PIK3C2A: variants seen among roughly 807,000 people sequenced by gnomAD.
PIK3C2A encodes the protein phosphatidylinositol 4-phosphate 3-kinase C2 domain-containing subunit alpha.
A neutral mutation model predicts 204.5 loss-of-function variants in PIK3C2A; 97 were observed. The observed-to-expected ratio is 0.47, with a 90% CI of 0.40 to 0.56. PIK3C2A has a LOEUF of 0.56. Ranked by LOEUF, PIK3C2A falls within the 20% of genes least tolerant of loss-of-function variation. The probability of loss-of-function intolerance (pLI) is 0.00; values close to 1 mark genes in which losing one functional copy is unlikely to be tolerated. For missense variants in PIK3C2A, 1,735 were observed against 1,969.2 expected (o/e 0.88, Z 2.25); for synonymous variants, 653 against 664.4 (o/e 0.98, Z 0.26).
intron 1 of PIK3C2A, among the ~76,000 whole-genome samples, chr11:17,196,989 C>T (rs944481792): frequency 6.6e-6 from 1 of 152,030 alleles, no homozygotes; most frequent in Non-Finnish European, 1.5e-5. Context: ...TCCCAAGCTT[C>T]GTCACAAGTT....
chr11:17,109,967 T>C (rs921265975), intron 22 of PIK3C2A, among the ~76,000 whole-genome samples: 1 of 152,156 alleles, frequency 6.6e-6, no homozygotes, highest in Non-Finnish European at 1.5e-5. Flanking sequence ...TTTTAATTTA[T>C]TTTGAGATAG....
At position 17,089,663 on chromosome 11, in the gene PIK3C2A, GTGTC is replaced by G. The variant is rs1167428613; in HGVS notation, c.*71_*74del. ...ACAAAATTAACAAGTGTGTGTGTGT[GTGTC>G]TGTGTGTGTGTGCATGTATGCATGC... On this transcript the variant is annotated 3_prime_UTR_variant, in exon 33 of 33. Coordinates refer to ENST00000691414, the MANE Select transcript of PIK3C2A (RefSeq NM_002645.4). 5.1e-5 allele frequency: 42 copies of G among 815,708 alleles called. No individual in the cohort carries two copies. The highest frequency in any genetic ancestry group is 4.5e-4 in the South Asian group (26 of 57,954). The allele number at this position is 815,708 out of a possible 1,614,324, so 50.5% of individuals were successfully genotyped here.
In PIK3C2A at chr11:17,131,242, G is replaced by C. The variant is rs78458806; in HGVS notation, c.2231+674C>G. On this transcript the variant is annotated intron_variant, in intron 12 of 32. Transcript: ENST00000691414. ...TAAGTGTTGATTAATCTAAGAGCCAGAATTGTTATATAGTGTTACAGAATA... is the reference window on the plus strand; with the variant it reads ...TAAGTGTTGATTAATCTAAGAGCCACAATTGTTATATAGTGTTACAGAATA... Among the ~76,000 whole-genome samples, 4 of 152,072 alleles carry C rather than the reference G, an allele frequency of 2.6e-5. No homozygotes were observed. In the East Asian group the frequency reaches 7.7e-4, roughly 29 times the overall value.
chr11:17,179,315 C>A (rs1377540457), intron 1 of PIK3C2A, among the ~76,000 whole-genome samples: 1 of 152,014 alleles, frequency 6.6e-6, no homozygotes, highest in East Asian at 1.9e-4. Context: ...GCATGTACTA[C>A]TACATCCAAC....
Position 17,169,874 on chromosome 11 carries a change from AC to A in PIK3C2A, c.-65-69del, listed in dbSNP as rs556783942. 5.4e-4 allele frequency: 344 copies of A among 632,466 alleles called. 2 individuals carry two copies. The African/African-American group carries it at 6.0e-3, about 11-fold the overall frequency. The allele number at this position is 632,466 out of a possible 1,614,324, so 39.2% of individuals were successfully genotyped here. On this transcript the variant is annotated intron_variant, in intron 1 of 32. Transcript: ENST00000691414. The stretch of plus-strand genomic sequence containing the variant: ...CATAAATATATTTTGTTTGCAACCT[AC>A]CCCATATGACTTTGGACTTTAAGCC...
Position 17,148,771 on chromosome 11 carries a change from T to C in PIK3C2A, c.1344A>G (p.Glu448=). Residue 448 remains glutamate (E), a synonymous_variant, in exon 5 of 33, where the codon GAA becomes GAG. Coordinates refer to ENST00000691414, the MANE Select transcript of PIK3C2A (RefSeq NM_002645.4). ...TFTCDVSSTV[E]IIIMQALCWV... ...AGCAAAGGGCTTGCATTATAATGAT[T>C]TCTACAGTAGAACTCACTGTAAAAG... The C allele has an allele frequency of 6.2e-7, 1 of 1,611,830 alleles. No homozygotes were observed. The highest frequency in any genetic ancestry group is 1.1e-5 in the South Asian group (1 of 90,992).
chr11:17,118,772 T>C (rs765316293), intron 17 of PIK3C2A, 33 bp from the exon 18 acceptor site: 2 of 1,004,792 alleles, frequency 2.0e-6, no homozygotes, highest in Non-Finnish European at 3.1e-6. Flanking sequence ...TTATTAGTGG[T>C]CTAACCCATA....
In PIK3C2A at chr11:17,089,661, G is replaced by C; in HGVS notation, c.*77C>G. ...ATACAAAATTAACAAGTGTGTGTGTGTGTGTCTGTGTGTGTGTGCATGTAT... is the reference window on the plus strand; with the variant it reads ...ATACAAAATTAACAAGTGTGTGTGTCTGTGTCTGTGTGTGTGTGCATGTAT... On this transcript the variant is annotated 3_prime_UTR_variant, in exon 33 of 33. Transcript: ENST00000691414. 1.3e-6 allele frequency: 1 copy of C among 796,636 alleles called. No individual in the cohort carries two copies. 49.3% of individuals were successfully genotyped at this position (796,636 alleles called of 1,614,324 possible). A position where few individuals can be genotyped will look rare whatever the true frequency, so the allele number is the denominator to read the frequency against.
chr11:17,101,612 T>C (rs530069230), intron 24 of PIK3C2A, among the ~76,000 whole-genome samples, 178 bp from the exon 25 acceptor site: 1 of 151,118 alleles, frequency 6.6e-6, no homozygotes, highest in African/African-American at 2.4e-5. Flanking sequence ...TTTTTCTTTT[T>C]TTTTTTTTTG....
At chr11:17,187,983 T>C (rs1851812221) in intron 1 of PIK3C2A, among the ~76,000 whole-genome samples, 1 of 152,072 alleles carries the variant, frequency 6.6e-6, no homozygotes, top group Non-Finnish European at 1.5e-5. Context: ...TGCTAAATTT[T>C]GGTAGTTTTA....
intron 1 of PIK3C2A, among the ~76,000 whole-genome samples, chr11:17,199,048 G>A (rs147923028): frequency 1.6e-4 from 25 of 151,838 alleles, no homozygotes; most frequent in African/African-American, 5.6e-4. Context: ...GAACCTGGGA[G>A]GCAGAGGTTG....
intron 1 of PIK3C2A, among the ~76,000 whole-genome samples, chr11:17,172,938 C>G (rs1851225662): frequency 6.6e-6 from 1 of 152,154 alleles, no homozygotes; most frequent in Non-Finnish European, 1.5e-5. Context: ...CAGTAGCTTC[C>G]ATTTTAATTT....
At chr11:17,184,751 T>C (rs892107873) in intron 1 of PIK3C2A, among the ~76,000 whole-genome samples, 4 of 152,018 alleles carry the variant, frequency 2.6e-5, no homozygotes, top group African/African-American at 4.8e-5. Context: ...CTGGGCAATG[T>C]AGCGAGATCA....
chr11:17,175,955 G>T (rs528081816), intron 1 of PIK3C2A, among the ~76,000 whole-genome samples: 111 of 150,254 alleles, frequency 7.4e-4, no homozygotes, highest in South Asian at 1.9e-3. Context: ...CCCCCCAAAT[G>T]AATATAAACC....
intron 1 of PIK3C2A, among the ~76,000 whole-genome samples, chr11:17,184,542 T>C (rs1197069365): frequency 6.6e-6 from 1 of 152,168 alleles, no homozygotes; most frequent in Non-Finnish European, 1.5e-5. Context: ...AGCTGTACTA[T>C]GTTCTTATAT....
intron 24 of PIK3C2A, among the ~76,000 whole-genome samples, chr11:17,101,658 C>T (rs534343304): frequency 6.8e-4 from 100 of 148,002 alleles, no homozygotes; most frequent in African/African-American, 2.3e-3. Context: ...GGCTGGAGTG[C>T]AGTGGCGCGA....
At chr11:17,142,594 T>C (rs1850099745) in intron 8 of PIK3C2A, among the ~76,000 whole-genome samples, 1 of 152,100 alleles carries the variant, frequency 6.6e-6, no homozygotes, top group African/African-American at 2.4e-5. Flanking sequence ...GCAAGATGAT[T>C]GTTTGAGCCC....
intron 24 of PIK3C2A, among the ~76,000 whole-genome samples, 173 bp from the exon 25 acceptor site, chr11:17,101,607 C>CTTT (rs768044410): frequency 7.1e-6 from 1 of 140,516 alleles, no homozygotes; most frequent in Admixed American, 7.1e-5. Context: ...CTTTTTTTTT[C>CTTT]TTTTTTTTTT....
chr11:17,103,613 G>C (rs2137292846), intron 23 of PIK3C2A, among the ~76,000 whole-genome samples: 1 of 152,126 alleles, frequency 6.6e-6, no homozygotes, highest in South Asian at 2.1e-4. Context: ...GTGTATGTGT[G>C]TATATGTGTG....
Sources: gnomAD v4.1 joint callset for allele counts (sites outside exome capture counted in the v4.1 genomes callset) on GRCh38, gnomAD v4.1.1 for gene constraint, MANE v1.5 for transcripts, NCBI Gene and HGNC (gene_info 2026-07-23, HGNC 2026-07-21) for gene names.